The following USP34 variants were observed in gnomAD, a reference collection of about 807,000 sequenced individuals.
USP34 encodes the protein ubiquitin carboxyl-terminal hydrolase 34.
Under a neutral mutation model 460.3 loss-of-function variants are expected in USP34, and 70 were observed. The ratio of observed to expected loss-of-function variants is 0.15; its 90% CI spans 0.13 to 0.19. The LOEUF is 0.19. Among genes scored for constraint, USP34 ranks in the 10% least tolerant of loss-of-function variants. USP34 has a pLI of 1.00. For synonymous variants in USP34, 1,647 were observed against 1,405.3 expected (o/e 1.17, Z -3.85); for missense variants, 3,985 against 4,236.2 (o/e 0.94, Z 1.65).
chr2:61,214,964 G>T (rs1222528670), intron 67 of USP34, among the ~76,000 whole-genome samples: 1 of 152,132 alleles, frequency 6.6e-6, no homozygotes, highest in African/African-American at 2.4e-5. Context: ...CTAAGATGCA[G>T]AATTTTCCCA....
chr2:61,464,824 T>C (rs146524174), intron 1 of USP34, among the ~76,000 whole-genome samples: 2 of 152,068 alleles, frequency 1.3e-5, no homozygotes, highest in Non-Finnish European at 1.5e-5. Flanking sequence ...GAGTTTGCTA[T>C]GGTGATGGCC....
At chr2:61,262,136 T>G (rs28713578) in intron 43 of USP34, among the ~76,000 whole-genome samples, 16 of 124,280 alleles carry the variant, frequency 1.3e-4, no homozygotes, top group African/African-American at 4.7e-4. Context: ...TATATATAGA[T>G]AGATAGATAG....
intron 2 of USP34, among the ~76,000 whole-genome samples, chr2:61,417,581 T>C (rs1320125794): frequency 1.3e-5 from 2 of 152,064 alleles, no homozygotes; most frequent in Admixed American, 6.5e-5. Context: ...ACAAAAGAAG[T>C]TGTAAGCTGT....
chr2:61,225,320 CTTT>C (rs1219085515), intron 62 of USP34, among the ~76,000 whole-genome samples: 2 of 151,938 alleles, frequency 1.3e-5, no homozygotes, highest in Non-Finnish European at 2.9e-5. Flanking sequence ...CAGAATAATA[CTTT>C]TATTACAAAT....
chr2:61,244,019 G>A (rs1469654473), intron 51 of USP34, among the ~76,000 whole-genome samples: 1 of 151,910 alleles, frequency 6.6e-6, no homozygotes, highest in East Asian at 1.9e-4. Context: ...ATTCAGCAGA[G>A]TAGACAAGAA....
At chr2:61,290,756 T>G (rs1689826295) in intron 33 of USP34, among the ~76,000 whole-genome samples, 1 of 152,178 alleles carries the variant, frequency 6.6e-6, no homozygotes, top group East Asian at 1.9e-4. Context: ...ATGAGTGCAT[T>G]ATTTATTACA....
At chr2:61,394,645 T>G (rs976793899) in intron 5 of USP34, among the ~76,000 whole-genome samples, 4 of 152,126 alleles carry the variant, frequency 2.6e-5, no homozygotes, top group Non-Finnish European at 5.9e-5. Context: ...ATGACCCCTT[T>G]TAGCTTTAAA....
At chr2:61,459,791 G>A (rs1039020609) in intron 1 of USP34, among the ~76,000 whole-genome samples, 2 of 149,222 alleles carry the variant, frequency 1.3e-5, no homozygotes, top group Non-Finnish European at 3.0e-5. Flanking sequence ...CAGGCACAGT[G>A]ACTCACACCT....
intron 1 of USP34, among the ~76,000 whole-genome samples, chr2:61,433,950 G>A (rs897094762): frequency 1.3e-5 from 2 of 152,080 alleles, no homozygotes; most frequent in East Asian, 1.9e-4. Context: ...CTTTGGTCCC[G>A]CACAGCAGGG....
chr2:61,275,111 T>C (rs114666463), intron 41 of USP34, among the ~76,000 whole-genome samples: 2,185 of 152,056 alleles, frequency 0.014, 31 homozygotes, highest in Middle Eastern at 0.024. Context: ...ATCCCGTCTC[T>C]ACAAAAGATT....
chr2:61,190,986 AGAATAGGATGT>A, intron 76 of USP34: 1 of 194,208 alleles, frequency 5.1e-6, no homozygotes, highest in Non-Finnish European at 1.1e-5. Context: ...AGGCTAACAA[AGAATAGGATGT>A]GAATGTTTTC....
At chr2:61,197,285 TA>T (rs1272426164) in intron 75 of USP34, among the ~76,000 whole-genome samples, 19 of 151,978 alleles carry the variant, frequency 1.3e-4, no homozygotes, top group African/African-American at 4.3e-4. Context: ...CAACAACAAT[TA>T]AAGAAGGAAA....
At chr2:61,257,174 A>C in intron 45 of USP34, 30 bp downstream of exon 45, 1 of 1,584,740 alleles carries the variant, frequency 6.3e-7, no homozygotes, top group Non-Finnish European at 8.5e-7. Context: ...TTCAAATTTC[A>C]AAGAAACTTT....
At chr2:61,427,561 G>A (rs995559791) in intron 1 of USP34, among the ~76,000 whole-genome samples, 3 of 152,240 alleles carry the variant, frequency 2.0e-5, no homozygotes, top group East Asian at 1.9e-4. Flanking sequence ...CAAAATAGCC[G>A]TGTTGAGGAA....
Position 61,227,499 on chromosome 2 carries a change from T to C in USP34, c.7444-281A>G, listed in dbSNP as rs182811539. Among the ~76,000 whole-genome samples, 8 of 152,182 alleles carry C rather than the reference T, an allele frequency of 5.3e-5. No individual in the cohort carries two copies. In the East Asian group the frequency reaches 1.5e-3, roughly 29 times the overall value. On this transcript the variant is annotated intron_variant, in intron 61 of 79. Transcript: ENST00000398571. ...GCTGAGGCGGGTGGATCATTTGAGG[T>C]CAGGAGTTCGAGAACAGCCTGGCCG...
At chr2:61,213,010 T>C (rs1430524266) in intron 68 of USP34, among the ~76,000 whole-genome samples, 1 of 152,188 alleles carries the variant, frequency 6.6e-6, no homozygotes, top group Non-Finnish European at 1.5e-5. Context: ...ACTCACTCTC[T>C]TTCCTGCATT....
intron 8 of USP34, 109 bp from the exon 9 acceptor site, chr2:61,370,688 A>G (rs183468636): frequency 1.2e-6 from 1 of 845,594 alleles, no homozygotes; most frequent in African/African-American, 1.7e-5. Flanking sequence ...GGAATTATAA[A>G]GAATTAGATA....
At chr2:61,315,047 A>C in intron 23 of USP34, 73 bp from the exon 24 acceptor site, 2 of 1,176,520 alleles carry the variant, frequency 1.7e-6, no homozygotes, top group Non-Finnish European at 2.4e-6. Context: ...TGAAGTATCA[A>C]AAGTAAAAAT....
chr2:61,207,643 A>ACACTT (rs1291182261), intron 70 of USP34: 2 of 152,174 alleles, frequency 1.3e-5, no homozygotes, highest in Non-Finnish European at 2.9e-5. Context: ...CTTGGCACAG[A>ACACTT]GGTAGACATT....
Sources: gnomAD v4.1 joint callset for allele counts (sites outside exome capture counted in the v4.1 genomes callset) on GRCh38, gnomAD v4.1.1 for gene constraint, MANE v1.5 for transcripts, NCBI Gene and HGNC (gene_info 2026-07-23, HGNC 2026-07-21) for gene names.